Variants in DAB1 observed in about 807,000 individuals in gnomAD.
The protein encoded by DAB1 is DAB adaptor protein 1.
DAB1 carries 15 observed loss-of-function variants against 64.6 expected under a neutral mutation model. The observed-to-expected ratio is 0.23, with a 90% CI of 0.16 to 0.36. The LOEUF is 0.36. DAB1 is among the 10% of genes least tolerant of loss of function. DAB1 has a pLI of 1.00. For synonymous variants in DAB1, 235 were observed against 251.9 expected (o/e 0.93, Z 0.64); for missense variants, 596 against 706.7 (o/e 0.84, Z 1.78).
intron 5 of DAB1, among the ~76,000 whole-genome samples, chr1:57,905,603 G>A (rs1268249882): frequency 2.0e-5 from 3 of 152,152 alleles, no homozygotes; most frequent in Non-Finnish European, 4.4e-5. Context: ...AAGTAGGTAT[G>A]AGTCTGAAGC....
Position 58,383,363 on chromosome 1 carries a change from C to T in DAB1, n.258-39960G>A, listed in dbSNP as rs557181968. On this transcript the variant is annotated intron_variant and non_coding_transcript_variant, in intron 3 of 20. Transcript: ENST00000485760. ...CTATGTGCCCCCAAATCCCTTCCAGCACTCACAGTGGACTCCTAGCGGCCC... is the reference window on the plus strand; with the variant it reads ...CTATGTGCCCCCAAATCCCTTCCAGTACTCACAGTGGACTCCTAGCGGCCC... 2.0e-5 allele frequency among the ~76,000 whole-genome samples: 3 copies of T among 152,256 alleles called. No homozygotes were observed. The South Asian group carries it at 6.2e-4, about 32-fold the overall frequency.
At chr1:57,523,182 C>G (rs1355711166) in intron 7 of DAB1, among the ~76,000 whole-genome samples, 1 of 152,216 alleles carries the variant, frequency 6.6e-6, no homozygotes, top group Non-Finnish European at 1.5e-5. Context: ...ATACACCCCC[C>G]TTCCCTGTCT....
At chr1:57,577,786 G>T (rs770225562) in intron 7 of DAB1, among the ~76,000 whole-genome samples, 1 of 152,210 alleles carries the variant, frequency 6.6e-6, no homozygotes, top group Non-Finnish European at 1.5e-5. Context: ...GTTCCCTAGT[G>T]ATCTGATGCT....
chr1:57,669,544 C>T (rs1040356267), intron 6 of DAB1, among the ~76,000 whole-genome samples: 2 of 152,118 alleles, frequency 1.3e-5, no homozygotes, highest in South Asian at 2.1e-4. Flanking sequence ...GCAATGTATC[C>T]GAGGGTTAAA....
chr1:57,650,473 T>A (rs1486390315), intron 6 of DAB1, among the ~76,000 whole-genome samples: 1 of 145,272 alleles, frequency 6.9e-6, no homozygotes, highest in Non-Finnish European at 1.5e-5. Context: ...ATAAAAAAAA[T>A]TGGTATTTCT....
chr1:57,869,872 T>C (rs928471387), intron 1 of DAB1, among the ~76,000 whole-genome samples: 2 of 152,180 alleles, frequency 1.3e-5, no homozygotes, highest in African/African-American at 4.8e-5. Flanking sequence ...TAATCATAAC[T>C]ATCATAACAT....
rs114426117 is a variant in DAB1 at position 57,508,064 on chromosome 1, G to A, written n.625+141528C>T. 4.9e-3 allele frequency among the ~76,000 whole-genome samples: 753 copies of A among 152,270 alleles called. 8 individuals are homozygous for A. The highest frequency in any genetic ancestry group is 0.017 in the African/African-American group (726 of 41,538). ...CAGCTCCCTGCATAATTCCGAGGAT[G>A]GTCTGAGGACCACACTTTGAAAATC... On this transcript the variant is annotated intron_variant and non_coding_transcript_variant, in intron 7 of 20. Transcript: ENST00000485760.
rs59364797 is a variant in DAB1 at position 58,281,333 on chromosome 1, C to G, written n.309+62019G>C. Among the ~76,000 whole-genome samples the G allele has an allele frequency of 2.3e-3, 355 of 151,682 alleles. 1 individual carries two copies. Among genetic ancestry groups the G allele is most frequent in the African/African-American group, 8.0e-3 (330 of 41,286 alleles). On this transcript the variant is annotated intron_variant and non_coding_transcript_variant, in intron 4 of 20. Transcript: ENST00000485760. ...CTGACAATTCACACAAGTGACGAAG[C>G]CTGAAACCTGGGATTCTTCCTTGAC...
intron 5 of DAB1, among the ~76,000 whole-genome samples, chr1:57,957,647 A>G (rs767430004): frequency 6.6e-6 from 1 of 152,190 alleles, no homozygotes; most frequent in Non-Finnish European, 1.5e-5. Context: ...AGAATCCTGG[A>G]CCACACCGCA....
intron 1 of DAB1, among the ~76,000 whole-genome samples, chr1:57,827,455 C>T (rs1246139007): frequency 6.6e-6 from 1 of 152,186 alleles, no homozygotes; most frequent in Non-Finnish European, 1.5e-5. Flanking sequence ...TGGGCAATTA[C>T]ATTTTCTGGA....
intron 1 of DAB1, among the ~76,000 whole-genome samples, chr1:57,414,675 C>T (rs916446013): frequency 6.6e-6 from 1 of 151,934 alleles, no homozygotes; most frequent in Non-Finnish European, 1.5e-5. Flanking sequence ...TGACTATTTG[C>T]CATTTAGAAT....
chr1:57,383,673 GCAAA>G (rs761148916), intron 1 of DAB1, among the ~76,000 whole-genome samples: 8 of 152,144 alleles, frequency 5.3e-5, no homozygotes, highest in Non-Finnish European at 1.0e-4. Flanking sequence ...AGTGTCTTTA[GCAAA>G]CAGTGTTGGG....
Position 58,068,609 on chromosome 1 carries a change from C to T in DAB1, n.387+81902G>A, listed in dbSNP as rs867922228. ...TGAAACCCCATCTCTACTAATAATA[C>T]AAAAAAATTAGCTGGGTGTGGTGGT... On this transcript the variant is annotated intron_variant and non_coding_transcript_variant, in intron 5 of 20. Coordinates refer to the DAB1 transcript ENST00000485760. Among the ~76,000 whole-genome samples the T allele has an allele frequency of 2.0e-4, 30 of 151,546 alleles. No individual in the cohort carries two copies. The Middle Eastern group carries it at 0.014, about 69-fold the overall frequency.
intron 7 of DAB1, among the ~76,000 whole-genome samples, chr1:57,521,760 G>C (rs115762219): frequency 6.6e-6 from 1 of 152,130 alleles, no homozygotes; most frequent in Non-Finnish European, 1.5e-5. Context: ...ATTAGAAATG[G>C]GCTAACAGGG....
intron 4 of DAB1, among the ~76,000 whole-genome samples, chr1:58,322,204 C>T: frequency 6.6e-6 from 1 of 152,010 alleles, no homozygotes; most frequent in East Asian, 1.9e-4. Flanking sequence ...ACTAAAACAC[C>T]AAAAGTAATG....
At chr1:57,141,911 C>T (rs1318587385) in intron 3 of DAB1, among the ~76,000 whole-genome samples, 1 of 152,060 alleles carries the variant, frequency 6.6e-6, no homozygotes, top group Non-Finnish European at 1.5e-5. Context: ...CGAACACAGG[C>T]CCTCTTGGTG....
At chr1:57,369,133 T>C (rs1175967248) in intron 1 of DAB1, among the ~76,000 whole-genome samples, 1 of 152,238 alleles carries the variant, frequency 6.6e-6, no homozygotes, top group Non-Finnish European at 1.5e-5. Context: ...GGTTGCATCC[T>C]GCCTCCTCCA....
intron 5 of DAB1, among the ~76,000 whole-genome samples, chr1:57,904,775 A>C (rs1454390124): frequency 3.3e-5 from 5 of 152,182 alleles, no homozygotes; most frequent in African/African-American, 1.2e-4. Flanking sequence ...GCGCAGCTTA[A>C]GGATGGTAAG....
intron 1 of DAB1, among the ~76,000 whole-genome samples, chr1:58,538,172 T>C (rs1055380689): frequency 1.3e-5 from 2 of 152,198 alleles, no homozygotes; most frequent in South Asian, 2.1e-4. Context: ...AAACAGTGAT[T>C]AGCTTTCTTC....
Sources: allele counts gnomAD v4.1 joint callset (sites outside exome capture counted in the v4.1 genomes callset), GRCh38; gene constraint gnomAD v4.1.1; transcripts MANE v1.5; gene names NCBI Gene and HGNC (gene_info 2026-07-23, HGNC 2026-07-21).